The following SF3B3 variants were observed in gnomAD, a reference collection of about 807,000 sequenced individuals.
SF3B3 encodes the protein SAP 130.
In SF3B3, 33 loss-of-function variants were observed where a neutral mutation model predicts 139.2. The ratio of observed to expected loss-of-function variants is 0.24; its 90% confidence interval spans 0.18 to 0.32. The LOEUF (loss-of-function observed/expected upper bound fraction) is 0.32. Among genes scored for constraint, SF3B3 ranks in the 10% least tolerant of loss-of-function variants. SF3B3 has a pLI of 1.00. For missense variants in SF3B3, 818 were observed against 1,509.4 expected (o/e 0.54, Z 7.59); for synonymous variants, 596 against 563.6 (o/e 1.06, Z -0.81).
chr16:70,532,329 T>C, intron 4 of SF3B3, 150 bp from the exon 5 acceptor site: 1 of 588,298 alleles, frequency 1.7e-6, no homozygotes, highest in Non-Finnish European at 2.8e-6. Context: ...CACTGCAGCC[T>C]GGGTGACATA....
intron 15 of SF3B3, among the ~76,000 whole-genome samples, chr16:70,557,462 G>T (rs1368085450): frequency 6.6e-6 from 1 of 152,206 alleles, no homozygotes; most frequent in Non-Finnish European, 1.5e-5. Context: ...CGCTAAGATA[G>T]TGTCAGGATT....
chr16:70,564,413 A>G (rs2050456610), intron 18 of SF3B3, among the ~76,000 whole-genome samples: 1 of 152,194 alleles, frequency 6.6e-6, no homozygotes, highest in Non-Finnish European at 1.5e-5. Context: ...CTTTGTTTTT[A>G]AAGATCTAGG....
At chr16:70,555,246 G>T in intron 13 of SF3B3, 40 bp downstream of exon 13, 2 of 1,567,936 alleles carry the variant, frequency 1.3e-6, no homozygotes, top group South Asian at 2.2e-5. Flanking sequence ...TTATTGTAGG[G>T]ACCAGAGGGA....
chr16:70,530,716 C>T, intron 3 of SF3B3, 29 bp from the exon 4 acceptor site: 1 of 1,579,426 alleles, frequency 6.3e-7, no homozygotes, highest in Non-Finnish European at 8.6e-7. Flanking sequence ...ATCTGGGAAT[C>T]TTGTATGTTT....
intron 2 of SF3B3, 25 bp downstream of exon 2, chr16:70,526,751 T>C: frequency 6.4e-7 from 1 of 1,553,232 alleles, no homozygotes; most frequent in East Asian, 2.2e-5. Context: ...TACCATCTTT[T>C]GAAATTTTAA....
chr16:70,530,166 ATAAATAAG>A (rs1241177867), intron 3 of SF3B3, among the ~76,000 whole-genome samples: 5 of 147,364 alleles, frequency 3.4e-5, no homozygotes, highest in Non-Finnish European at 7.5e-5. Context: ...AAATAAATAA[ATAAATAAG>A]AGAGAGATGG....
intron 4 of SF3B3, 38 bp downstream of exon 4, chr16:70,530,955 A>T: frequency 1.2e-5 from 19 of 1,545,490 alleles, no homozygotes; most frequent in South Asian, 3.6e-5. Flanking sequence ...TCTTTCAGTC[A>T]CCTCAGTGTT....
chr16:70,547,890 G>A (rs910782932), intron 10 of SF3B3, among the ~76,000 whole-genome samples: 11 of 152,294 alleles, frequency 7.2e-5, no homozygotes, highest in East Asian at 5.8e-4. Context: ...GGGCCCAGCC[G>A]GTGGTGACTG....
chr16:70,532,484 A>G lies in SF3B3; in HGVS notation c.576A>G (p.Ala192=). 6.2e-7 allele frequency: 1 copy of G among 1,614,084 alleles called. No individual in the cohort carries two copies. The highest frequency in any genetic ancestry group is 8.5e-7 in the Non-Finnish European group (1 of 1,179,964). The change falls in exon 5 of 26, where the codon GCA becomes GCG. Residue 192 remains alanine (A), a synonymous_variant. Coordinates refer to ENST00000302516, the MANE Select transcript of SF3B3 (RefSeq NM_012426.5). ...FACLEMDYEE[A]DNDPTGEAAA... ...TATGCCACTATTCTCTGTAGGAAGC[A>G]GACAATGATCCAACAGGGGAAGCAG...
intron 9 of SF3B3, among the ~76,000 whole-genome samples, chr16:70,543,911 T>C (rs771212547): frequency 2.0e-5 from 3 of 151,960 alleles, no homozygotes; most frequent in Non-Finnish European, 4.4e-5. Flanking sequence ...TAGAGTGCAG[T>C]GGCACAGTTA....
intron 1 of SF3B3, among the ~76,000 whole-genome samples, chr16:70,525,497 CTG>C (rs146007943): frequency 0.046 from 7,040 of 152,238 alleles, 219 homozygotes; most frequent in Non-Finnish European, 0.065. Flanking sequence ...GGAAAGTAGA[CTG>C]TTTTGATCAG....
Position 70,569,987 on chromosome 16 carries a change from G to A in SF3B3, c.3265-19G>A. Reference sequence around the variant, plus strand: ...CTCCTGAGGGTGCACACAGTCACTAGTCTGTTTGTGACTCACAGGCAGAGG... The same window carrying A: ...CTCCTGAGGGTGCACACAGTCACTAATCTGTTTGTGACTCACAGGCAGAGG... On this transcript the variant is annotated intron_variant, in intron 23 of 25. Coordinates refer to ENST00000302516, the MANE Select transcript of SF3B3 (RefSeq NM_012426.5). 2 of 1,613,622 alleles carry A rather than the reference G, an allele frequency of 1.2e-6. No individual in the cohort carries two copies. Among genetic ancestry groups the A allele is most frequent in the Non-Finnish European group, 1.7e-6 (2 of 1,179,700 alleles).
intron 20 of SF3B3, 132 bp downstream of exon 20, chr16:70,565,656 AT>A: frequency 1.3e-6 from 1 of 793,810 alleles, no homozygotes; most frequent in Non-Finnish European, 2.0e-6. Context: ...CACATGGAAA[AT>A]GCTGGGGCCT....
In SF3B3 at chr16:70,566,548, C is replaced by T. The variant is rs566093174; in HGVS notation, c.2827-863C>T. On this transcript the variant is annotated intron_variant, in intron 20 of 25. Coordinates refer to ENST00000302516, the MANE Select transcript of SF3B3 (RefSeq NM_012426.5). The stretch of plus-strand genomic sequence containing the variant: ...CTGCACTCCAGCGTGGGTGACAGAG[C>T]GAGACTCTGTCTCAAAAAAAAGAAA... Among the ~76,000 whole-genome samples, 96 of 151,890 alleles carry T rather than the reference C, an allele frequency of 6.3e-4. 2 individuals are homozygous for T. Among genetic ancestry groups the T allele is most frequent in the Non-Finnish European group, 8.5e-4 (58 of 67,964 alleles).
rs779273766 is a variant in SF3B3 at position 70,574,171 on chromosome 16, C to A, written c.*2358C>A. On this transcript the variant is annotated 3_prime_UTR_variant, in exon 26 of 26. Transcript: ENST00000302516. The stretch of plus-strand genomic sequence containing the variant: ...TCAAATTTTTTTTAATTCCTAAGTT[C>A]TGTTTTATTTTTTAATTTTTTAAAA... 5 of 151,962 alleles carry A rather than the reference C, an allele frequency of 3.3e-5. No individual in the cohort carries two copies. Among genetic ancestry groups the A allele is most frequent in the Admixed American group, 6.6e-5 (1 of 15,252 alleles). 9.4% of individuals were successfully genotyped at this position (151,962 alleles called of 1,614,324 possible).
intron 17 of SF3B3, among the ~76,000 whole-genome samples, chr16:70,562,156 G>A (rs950079084): frequency 9.9e-5 from 15 of 152,190 alleles, no homozygotes; most frequent in Non-Finnish European, 2.2e-4. Flanking sequence ...AATCTTAAAT[G>A]TTAACCTATC....
rs79714557 is a variant in SF3B3, at chr16:70,576,094, A to T, written c.*4281A>T. ...CGTGAAGCCCTGTTTTTTTTTTTTT[A>T]AAAAAAGAGTCTGCTGGTGATGTCT... On this transcript the variant is annotated 3_prime_UTR_variant, in exon 26 of 26. Transcript: ENST00000302516. 13,710 of 122,364 alleles carry T rather than the reference A, an allele frequency of 0.11. 747 individuals are homozygous for T. The highest frequency in any genetic ancestry group is 0.15 in the Non-Finnish European group (8,534 of 55,914). The allele number at this position is 122,364 out of a possible 1,614,324, so 7.6% of individuals were successfully genotyped here.
Position 70,554,599 on chromosome 16 carries a change from T to C in SF3B3, c.1554+2T>C. ...TTAGGAGATGATGCCTTGGTGCAGG[T>C]GAGGGTTCTCAGAGCTTACCTACTT... On this transcript the variant is annotated splice_donor_variant, in intron 12 of 25. Coordinates refer to ENST00000302516, the MANE Select transcript of SF3B3 (RefSeq NM_012426.5). LOFTEE classifies it high-confidence loss of function. 1 of 1,614,136 alleles carries C rather than the reference T, an allele frequency of 6.2e-7. No individual in the cohort carries two copies. The highest frequency in any genetic ancestry group is 2.2e-5 in the East Asian group (1 of 44,886).
Position 70,565,195 on chromosome 16 carries a change from T to C in SF3B3, c.2594T>C (p.Val865Ala), listed in dbSNP as rs753990045. 5 of 1,614,096 alleles carry C rather than the reference T, an allele frequency of 3.1e-6. No individual in the cohort carries two copies. Among genetic ancestry groups the C allele is most frequent in the Non-Finnish European group, 4.2e-6 (5 of 1,180,036 alleles). ...GCTGGCAATGGGCAGTGGGCCTCTG[T>C]GATCCGAGTGATGAATCCCATTCAA... is the stretch of plus-strand genomic sequence containing the variant. ...PKAGNGQWASVIRVMNPIQGN... is the reference protein window; with the variant it reads ...PKAGNGQWASAIRVMNPIQGN... The change falls in exon 19 of 26, where the codon GTG becomes GCG. Residue 865 changes from valine (V) to alanine (A), a missense_variant. By Grantham distance (64) the Val-to-Ala change is moderately conservative. Coordinates refer to ENST00000302516, the MANE Select transcript of SF3B3 (RefSeq NM_012426.5).
Sources: allele counts gnomAD v4.1 joint callset (sites outside exome capture counted in the v4.1 genomes callset), GRCh38; gene constraint gnomAD v4.1.1; transcripts MANE v1.5; gene names NCBI Gene and HGNC (gene_info 2026-07-23, HGNC 2026-07-21).